The following ARHGAP44 variants were observed in gnomAD, a reference collection of about 807,000 sequenced individuals.
ARHGAP44 encodes rho GTPase-activating protein 44.
Under a neutral mutation model 106.8 loss-of-function variants are expected in ARHGAP44, and 43 were observed. The ratio of observed to expected loss-of-function variants is 0.40; its 90% confidence interval spans 0.32 to 0.52. The LOEUF is 0.52. ARHGAP44 is among the 20% of genes least tolerant of loss of function. ARHGAP44 has a pLI of 0.48. For synonymous variants in ARHGAP44, 439 were observed against 410.3 expected (o/e 1.07, Z -0.85); for missense variants, 866 against 1,050.5 (o/e 0.82, Z 2.43).
chr17:12,852,904 G>A (rs1304480526), intron 1 of ARHGAP44, among the ~76,000 whole-genome samples: 1 of 152,190 alleles, frequency 6.6e-6, no homozygotes, highest in African/African-American at 2.4e-5. Context: ...AGATTGCATG[G>A]TCAGGTGGAT....
At chr17:12,811,580 G>T (rs1227743296) in intron 1 of ARHGAP44, among the ~76,000 whole-genome samples, 1 of 152,204 alleles carries the variant, frequency 6.6e-6, no homozygotes. Context: ...GTTCCAGCCT[G>T]TGTTGTTCAA....
intron 7 of ARHGAP44, among the ~76,000 whole-genome samples, chr17:12,931,722 A>G (rs545312206): frequency 1.3e-5 from 2 of 151,430 alleles, no homozygotes; most frequent in South Asian, 2.1e-4. Context: ...GATGGTCTCA[A>G]TCTCCTGACC....
chr17:12,967,394 T>C lies in ARHGAP44; in HGVS notation c.1524-5908T>C, dbSNP rs114300949. Among the ~76,000 whole-genome samples the C allele has an allele frequency of 1.7e-3, 250 of 150,646 alleles. 1 individual carries two copies. Among genetic ancestry groups the C allele is most frequent in the African/African-American group, 5.9e-3 (241 of 41,156 alleles). ...TAACTTTTAGTGGGCAGATACACAA[T>C]AGAATATTGTACACTGTGGTTGCAA... On this transcript the variant is annotated intron_variant, in intron 16 of 20. Coordinates refer to ENST00000379672, the MANE Select transcript of ARHGAP44 (RefSeq NM_014859.6).
intron 13 of ARHGAP44, among the ~76,000 whole-genome samples, chr17:12,955,175 G>A (rs912185368): frequency 6.6e-6 from 1 of 152,186 alleles, no homozygotes; most frequent in Non-Finnish European, 1.5e-5. Flanking sequence ...CCATGTTGCA[G>A]GATGTCCCAA....
intron 1 of ARHGAP44, among the ~76,000 whole-genome samples, chr17:12,810,927 CACAA>C (rs893645575): frequency 2.0e-5 from 3 of 152,116 alleles, no homozygotes; most frequent in African/African-American, 7.2e-5. Context: ...GTTACCATAA[CACAA>C]ACAATCAGTT....
intron 1 of ARHGAP44, among the ~76,000 whole-genome samples, chr17:12,840,384 C>T (rs530568766): frequency 4.3e-4 from 66 of 152,310 alleles, no homozygotes; most frequent in Non-Finnish European, 7.2e-4. Context: ...AAAGGAATGA[C>T]ATATTAGTAC....
At chr17:12,812,452 C>T (rs963615741) in intron 1 of ARHGAP44, among the ~76,000 whole-genome samples, 1 of 152,158 alleles carries the variant, frequency 6.6e-6, no homozygotes, top group Non-Finnish European at 1.5e-5. Context: ...AGACCTGGAT[C>T]TAGATGTGTA....
chr17:12,827,384 T>A (rs965392031), intron 1 of ARHGAP44, among the ~76,000 whole-genome samples: 1 of 152,144 alleles, frequency 6.6e-6, no homozygotes, highest in African/African-American at 2.4e-5. Flanking sequence ...ATAAGGATGA[T>A]AAGAAAATAA....
At chr17:12,959,176 AT>A (rs2039200291) in intron 16 of ARHGAP44, 1 of 406,292 alleles carries the variant, frequency 2.5e-6, no homozygotes, top group African/African-American at 2.0e-5. Flanking sequence ...ACTGAGTGCA[AT>A]TAAAAAAAAT....
intron 12 of ARHGAP44, among the ~76,000 whole-genome samples, chr17:12,951,034 T>C (rs2038980409): frequency 6.6e-6 from 1 of 152,120 alleles, no homozygotes; most frequent in Non-Finnish European, 1.5e-5. Flanking sequence ...CCAATCAAGT[T>C]GCATAATGGT....
intron 7 of ARHGAP44, among the ~76,000 whole-genome samples, chr17:12,933,404 T>C (rs1365500426): frequency 6.6e-6 from 1 of 152,180 alleles, no homozygotes; most frequent in East Asian, 1.9e-4. Context: ...AGTCAAGATG[T>C]GTTCCATAAG....
At position 12,916,029 on chromosome 17, in the gene ARHGAP44, G is replaced by A. The variant is rs969081357; in HGVS notation, c.387+18G>A. 9 of 1,605,740 alleles carry A rather than the reference G, an allele frequency of 5.6e-6. No individual in the cohort carries two copies. In the African/African-American group the frequency reaches 1.1e-4, roughly 19 times the overall value. On this transcript the variant is annotated intron_variant, in intron 5 of 20. Transcript: ENST00000379672. ...TGGCGGAGGTAAGCAGCAGGAGTGA[G>A]GCCAGGCCTGAAAGAGCAAGGAGGT...
At chr17:12,869,282 CAT>C (rs1480150704) in intron 1 of ARHGAP44, among the ~76,000 whole-genome samples, 3 of 152,252 alleles carry the variant, frequency 2.0e-5, no homozygotes, top group African/African-American at 7.2e-5. Context: ...GAATCTAAAA[CAT>C]ATACTGTGTT....
intron 1 of ARHGAP44, among the ~76,000 whole-genome samples, chr17:12,856,316 G>A (rs2035910561): frequency 6.6e-6 from 1 of 152,190 alleles, no homozygotes; most frequent in Non-Finnish European, 1.5e-5. Context: ...AGGGATGAGA[G>A]TTGTCACATT....
In ARHGAP44 at chr17:12,958,752, C is replaced by T; in HGVS notation, c.1378C>T (p.Pro460Ser). Reference protein sequence around the residue: ...EFNITGNYGSPVHVNHNANYS... With the variant: ...EFNITGNYGSSVHVNHNANYS... Reference sequence around the variant, plus strand: ...CAACATTACTGGCAATTATGGGAGTCCAGTACACGTGAACCATAATGCCAA... The same window carrying T: ...CAACATTACTGGCAATTATGGGAGTTCAGTACACGTGAACCATAATGCCAA... Residue 460 changes from proline to serine, a missense_variant, in exon 16 of 21, where the codon CCA (proline) becomes TCA (serine). Transcript: ENST00000379672. The surrounding 1 kb of genome is among the most constrained non-coding windows in gnomAD (Gnocchi z 4.1). 4 of 1,613,928 alleles carry T rather than the reference C, an allele frequency of 2.5e-6. No homozygotes were observed. Among genetic ancestry groups the T allele is most frequent in the Non-Finnish European group, 3.4e-6 (4 of 1,179,870 alleles).
chr17:12,793,523 C>A (rs2033827472), intron 1 of ARHGAP44, among the ~76,000 whole-genome samples: 1 of 152,172 alleles, frequency 6.6e-6, no homozygotes, highest in African/African-American at 2.4e-5. Flanking sequence ...GCCTGGCCAA[C>A]ATGGCGAAAC....
chr17:12,958,794 T>G lies in ARHGAP44; in HGVS notation c.1420T>G (p.Ser474Ala). 1.2e-6 allele frequency: 2 copies of G among 1,611,484 alleles called. No homozygotes were observed. Among genetic ancestry groups the G allele is most frequent in the Non-Finnish European group, 1.7e-6 (2 of 1,179,514 alleles). The stretch of plus-strand genomic sequence containing the variant: ...TAATGCCAACTACAGCTCAATGCCC[T>G]CCCCAGACATGGACCCTGCTGACCG... The part of the protein sequence containing the change: ...NHNANYSSMP[S>A]PDMDPADRRQ... Residue 474 changes from serine to alanine, a missense_variant, in exon 16 of 21, where the codon TCC (serine) becomes GCC (alanine). Transcript: ENST00000379672. The surrounding 1 kb of genome is among the most constrained non-coding windows in gnomAD (Gnocchi z 4.1).
intron 20 of ARHGAP44, chr17:12,985,168 C>T: frequency 2.2e-6 from 1 of 448,674 alleles, no homozygotes; most frequent in South Asian, 4.6e-5. Context: ...TGTTTTTGCT[C>T]TTATTATCGG....
At chr17:12,943,391 G>A (rs767574) in intron 8 of ARHGAP44, among the ~76,000 whole-genome samples, 197 bp from the exon 9 acceptor site, 106,492 of 152,032 alleles carry the variant, frequency 0.7, 37,492 homozygotes, top group Admixed American at 0.75. Context: ...TGCTTCCCAA[G>A]TTTCCACTTG....
Sources: allele counts gnomAD v4.1 joint callset (sites outside exome capture counted in the v4.1 genomes callset), GRCh38; gene constraint gnomAD v4.1.1; non-coding constraint Gnocchi (gnomAD v3.1); transcripts MANE v1.5; gene names NCBI Gene and HGNC (gene_info 2026-07-23, HGNC 2026-07-21).